Variants in STIMATE observed in about 807,000 individuals in gnomAD.
STIMATE encodes the protein STIM activating enhancer, also known as store-operated calcium entry regulator STIMATE.
Under a neutral mutation model 36.7 loss-of-function variants are expected in STIMATE, and 15 were observed. The ratio of observed to expected loss-of-function variants is 0.41; its 90% CI spans 0.27 to 0.63. STIMATE has a LOEUF of 0.63. Ranked by LOEUF, STIMATE falls within the 20% of genes least tolerant of loss-of-function variation. STIMATE has a pLI of 0.32. For synonymous variants in STIMATE, 163 were observed against 162.3 expected, an observed-to-expected ratio of 1.00 and a Z score of -0.03; for missense variants, 305 against 397.3, an observed-to-expected ratio of 0.77 and a Z score of 1.98.
At chr3:52,873,290 G>C (rs1701440147) in intron 1 of STIMATE, among the ~76,000 whole-genome samples, 1 of 152,180 alleles carries the variant, frequency 6.6e-6, no homozygotes, top group Admixed American at 6.5e-5. Context: ...GGGGGATTCT[G>C]TTTGATGGAA....
rs1327820811 is a variant in STIMATE, at chr3:52,839,355, T to C, written c.*1139A>G. 6.6e-6 allele frequency: 1 copy of C among 152,402 alleles called. No individual in the cohort carries two copies. Among genetic ancestry groups the C allele is most frequent in the Non-Finnish European group, 1.5e-5 (1 of 68,184 alleles). The allele number at this position is 152,402 out of a possible 1,614,324, so 9.4% of individuals were successfully genotyped here. A position where few individuals can be genotyped will look rare whatever the true frequency, so the allele number is the denominator to read the frequency against. On this transcript the variant is annotated 3_prime_UTR_variant, in exon 8 of 8. Transcript: ENST00000355083. Reference sequence around the variant, plus strand: ...GGCTCCTGGCGCTGAGTCCAGAGGCTGGCTCTGAAGGCTGCAGCAGTGGGG... The same window carrying C: ...GGCTCCTGGCGCTGAGTCCAGAGGCCGGCTCTGAAGGCTGCAGCAGTGGGG...
At chr3:52,846,863 A>G (rs1700915694) in intron 4 of STIMATE, among the ~76,000 whole-genome samples, 1 of 152,020 alleles carries the variant, frequency 6.6e-6, no homozygotes, top group African/African-American at 2.4e-5. Flanking sequence ...TCTTTAAAGG[A>G]CAGACATGCC....
chr3:52,878,093 TAAAA>T lies in STIMATE; in HGVS notation c.160+19194_160+19197del, dbSNP rs532307762. ...TGGGCGACAGAGCAAGACTCCGTCT[TAAAA>T]AAAAAAAAAAAAAAAGACAGGTAAT... is the stretch of plus-strand genomic sequence containing the variant. On this transcript the variant is annotated intron_variant, in intron 1 of 7. Coordinates refer to ENST00000355083, the MANE Select transcript of STIMATE (RefSeq NM_198563.5). Among the ~76,000 whole-genome samples the T allele has an allele frequency of 9.5e-3, 1,069 of 112,464 alleles. 13 individuals are homozygous for T. The highest frequency in any genetic ancestry group is 0.033 in the African/African-American group (993 of 30,156). The allele number at this position is 112,464 out of a possible 152,430, so 73.8% of individuals were successfully genotyped here. A position where few individuals can be genotyped will look rare whatever the true frequency, so the allele number is the denominator to read the frequency against.
intron 6 of STIMATE, 39 bp downstream of exon 6, chr3:52,843,682 A>C (rs1457919512): frequency 6.2e-7 from 1 of 1,613,642 alleles, no homozygotes; most frequent in Non-Finnish European, 8.5e-7. Context: ...CCTGCCAGAC[A>C]GGGAGCAAAT....
chr3:52,843,508 G>T (rs928749400), intron 6 of STIMATE, among the ~76,000 whole-genome samples: 1 of 152,160 alleles, frequency 6.6e-6, no homozygotes, highest in African/African-American at 2.4e-5. Context: ...AAGCTCCCAG[G>T]CCCCTCCATC....
At chr3:52,859,531 A>ATTTTT (rs563622429) in intron 1 of STIMATE, among the ~76,000 whole-genome samples, 1 of 18,810 alleles carries the variant, frequency 5.3e-5, no homozygotes, top group African/African-American at 1.3e-4. Flanking sequence ...AAAAAAAAAA[A>ATTTTT]TTTTTTTTTT....
At chr3:52,888,858 C>T (rs539821534) in intron 1 of STIMATE, among the ~76,000 whole-genome samples, 2 of 152,182 alleles carry the variant, frequency 1.3e-5, no homozygotes, top group African/African-American at 4.8e-5. Context: ...ACTGGAAAAA[C>T]CATGAATACA....
At chr3:52,849,429 G>T (rs994621887) in intron 4 of STIMATE, among the ~76,000 whole-genome samples, 2 of 152,222 alleles carry the variant, frequency 1.3e-5, no homozygotes, top group Non-Finnish European at 2.9e-5. Context: ...CTTTAACCTG[G>T]TAGGCAGGTG....
intron 1 of STIMATE, among the ~76,000 whole-genome samples, chr3:52,864,611 T>C (rs999149773): frequency 6.6e-6 from 1 of 152,202 alleles, no homozygotes; most frequent in Non-Finnish European, 1.5e-5. Flanking sequence ...TTCTTTTCTA[T>C]CACACTGTCA....
chr3:52,846,080 T>C (rs1700894028), intron 4 of STIMATE, among the ~76,000 whole-genome samples: 1 of 152,244 alleles, frequency 6.6e-6, no homozygotes, highest in African/African-American at 2.4e-5. Context: ...TGGAGGCCCA[T>C]GCCCTGCCCA....
intron 3 of STIMATE, among the ~76,000 whole-genome samples, chr3:52,851,801 T>C (rs1701004414): frequency 7.3e-6 from 1 of 137,868 alleles, no homozygotes. Context: ...GAAAGTTCTA[T>C]GTTCCATCCT....
At chr3:52,876,519 C>T (rs1001309281) in intron 1 of STIMATE, among the ~76,000 whole-genome samples, 1 of 152,224 alleles carries the variant, frequency 6.6e-6, no homozygotes, top group African/African-American at 2.4e-5. Context: ...CACGGATTTT[C>T]TCCCATCTCT....
chr3:52,842,678 C>G, intron 7 of STIMATE, 133 bp downstream of exon 7: 4 of 1,517,194 alleles, frequency 2.6e-6, no homozygotes, highest in Non-Finnish European at 2.6e-6. Context: ...TCTGGCTCAG[C>G]CTCTTCTCCT....
At position 52,840,572 on chromosome 3, in the gene STIMATE, G is replaced by T. The variant is rs777754198; in HGVS notation, c.807C>A (p.Asp269Glu). 1 of 1,613,922 alleles carries T rather than the reference G, an allele frequency of 6.2e-7. No homozygotes were observed. The highest frequency in any genetic ancestry group is 1.1e-5 in the South Asian group (1 of 91,074). The stretch of plus-strand genomic sequence containing the variant: ...TCAGTCTGCGGAGGTCCTCCTCCAC[G>T]TCGGACTCCTCCATCTCATCATCCG... ...ISADDEMEESDVEEDLRRLTP... is the reference protein window; with the variant it reads ...ISADDEMEESEVEEDLRRLTP... The change falls in exon 8 of 8, where the codon GAC (aspartate) becomes GAA (glutamate). Residue 269 changes from aspartate to glutamate, a missense_variant. Around this residue, in one of 3 missense-constraint regions of STIMATE, gnomAD observed 84 missense variants for 82.4 expected, o/e 1.02. Coordinates refer to ENST00000355083, the MANE Select transcript of STIMATE (RefSeq NM_198563.5).
chr3:52,857,873 G>T (rs994415392), intron 1 of STIMATE, among the ~76,000 whole-genome samples: 4 of 152,118 alleles, frequency 2.6e-5, no homozygotes, highest in Admixed American at 1.3e-4. Flanking sequence ...CTCAGAGCGA[G>T]ACTATTTGGA....
chr3:52,840,698 ATG>A (rs1700782065), intron 7 of STIMATE, 88 bp from the exon 8 acceptor site: 255 of 1,049,590 alleles, frequency 2.4e-4, no homozygotes, highest in Middle Eastern at 3.0e-4. Context: ...TTCAAGTCTC[ATG>A]TTTTTTTTTT....
intron 1 of STIMATE, among the ~76,000 whole-genome samples, chr3:52,886,762 G>A (rs1002841086): frequency 6.6e-6 from 1 of 152,240 alleles, no homozygotes; most frequent in Admixed American, 6.5e-5. Context: ...AGCTGGAGGA[G>A]CAACCCTACC....
At chr3:52,868,478 G>T (rs535780027) in intron 1 of STIMATE, among the ~76,000 whole-genome samples, 1 of 152,256 alleles carries the variant, frequency 6.6e-6, no homozygotes, top group South Asian at 2.1e-4. Flanking sequence ...AAAATTTTAT[G>T]ATTTTAAGCC....
chr3:52,842,768 C>A (rs780983829), intron 7 of STIMATE, 43 bp downstream of exon 7: 1 of 1,611,980 alleles, frequency 6.2e-7, no homozygotes, highest in Admixed American at 1.7e-5. Flanking sequence ...CTTGGGCCAG[C>A]GATACGACGG....
Sources: allele counts gnomAD v4.1 joint callset (sites outside exome capture counted in the v4.1 genomes callset), GRCh38; gene constraint gnomAD v4.1.1; regional missense constraint gnomAD v4.1.1; transcripts MANE v1.5; gene names NCBI Gene and HGNC (gene_info 2026-07-23, HGNC 2026-07-21).